The following IRF7 variants were observed in gnomAD, a reference collection of about 807,000 sequenced individuals.
The protein encoded by IRF7 is interferon regulatory factor 7, also known as interferon regulatory factor-7H.
IRF7 carries 67 observed loss-of-function variants against 51.3 expected under a neutral mutation model. The ratio of observed to expected loss-of-function variants is 1.31; its 90% CI spans 1.07 to 1.60. The LOEUF (loss-of-function observed/expected upper bound fraction) is 1.60, where lower values mean the gene tolerates loss of function less well. Among genes scored for constraint, IRF7 ranks in the 40% most tolerant of loss-of-function variants. IRF7 has a pLI of 0.00. For missense variants in IRF7, 873 were observed against 701.5 expected, an observed-to-expected ratio of 1.24 and a Z score of -2.76; for synonymous variants, 427 against 301.3, an observed-to-expected ratio of 1.42 and a Z score of -4.32.
In IRF7 at chr11:614,281, C is replaced by T. The variant is rs1189562284; in HGVS notation, c.572G>A (p.Cys191Tyr). 1 of 1,612,242 alleles carries T rather than the reference C, an allele frequency of 6.2e-7. No homozygotes were observed. Among genetic ancestry groups the T allele is most frequent in the Non-Finnish European group, 8.5e-7 (1 of 1,179,664 alleles). Residue 191 changes from cysteine (C) to tyrosine (Y), a missense_variant, in exon 6 of 11, where the codon TGC becomes TAC. Coordinates refer to ENST00000525445, the MANE Select transcript of IRF7 (RefSeq NM_001572.5). ...CGCTGTCAGCAGATGGTCTGCCAGG[C>T]AGCTCTGTTGCACTGCCTGGAGCAG... is the stretch of plus-strand genomic sequence containing the variant. ...DLLLQAVQQS[C>Y]LADHLLTASW...
At position 615,121 on chromosome 11, in the gene IRF7, G is replaced by A. The variant is rs561433488; in HGVS notation, c.159C>T (p.Ser53=). ...CCTTGAAGATGCGCGCGTCGGCCTC[G>A]CTCAGGTCCTTGCGCGCGAAGTGCT... ...PWKHFARKDL[S]EADARIFKAW... The change falls in exon 3 of 11, where the codon AGC becomes AGT. Residue 53 remains serine (S), a synonymous_variant. Coordinates refer to ENST00000525445, the MANE Select transcript of IRF7 (RefSeq NM_001572.5). The A allele has an allele frequency of 6.9e-6, 11 of 1,598,742 alleles. No homozygotes were observed. The highest frequency in any genetic ancestry group is 6.6e-5 in the South Asian group (6 of 90,330).
In IRF7 at chr11:615,493, G is replaced by T; in HGVS notation, c.-129C>A. 2 of 1,090,618 alleles carry T rather than the reference G, an allele frequency of 1.8e-6. No individual in the cohort carries two copies. The highest frequency in any genetic ancestry group is 2.5e-6 in the Non-Finnish European group (2 of 789,494). The allele number at this position is 1,090,618 out of a possible 1,614,324, so 67.6% of individuals were successfully genotyped here. On this transcript the variant is annotated 5_prime_UTR_variant, in exon 2 of 11. Coordinates refer to ENST00000525445, the MANE Select transcript of IRF7 (RefSeq NM_001572.5). The stretch of plus-strand genomic sequence containing the variant: ...CCAGGTGTCACAGGTGTCCACAGGT[G>T]TGGACTGAGGGCTTGTAGCCACCGA...
Position 613,981 on chromosome 11 carries a change from G to C in IRF7, c.736C>G (p.Pro246Ala), listed in dbSNP as rs1210153699. 6.2e-7 allele frequency: 1 copy of C among 1,607,886 alleles called. No homozygotes were observed. Among genetic ancestry groups the C allele is most frequent in the African/African-American group, 1.3e-5 (1 of 74,758 alleles). Residue 246 changes from proline (P) to alanine (A), a missense_variant, in exon 7 of 11, where the codon CCC (proline) becomes GCC (alanine). By Grantham distance (27) the Pro-to-Ala change is conservative. Transcript: ENST00000525445. Reference sequence around the variant, plus strand: ...GTTAGTGCCGCGGGCTGGGGCCCGGGGCTGGGGGTCGTCTCTACTGCCCAC... The same window carrying C: ...GTTAGTGCCGCGGGCTGGGGCCCGGCGCTGGGGGTCGTCTCTACTGCCCAC... ...YGWAVETTPS[P>A]GPQPAALTTG...
In IRF7 at chr11:615,055, C is replaced by T. The variant is rs758685455; in HGVS notation, c.183+42G>A. Reference sequence around the variant, plus strand: ...TGTGCCGGGCCCGCGGGGTCCTAGGCGGGCTCTCCCACCCGGGGCGGGGCG... The same window carrying T: ...TGTGCCGGGCCCGCGGGGTCCTAGGTGGGCTCTCCCACCCGGGGCGGGGCG... On this transcript the variant is annotated intron_variant, in intron 3 of 10. Coordinates refer to ENST00000525445, the MANE Select transcript of IRF7 (RefSeq NM_001572.5). The T allele has an allele frequency of 7.1e-6, 11 of 1,557,458 alleles. No homozygotes were observed. In the South Asian group the frequency reaches 1.2e-4, roughly 17 times the overall value.
chr11:614,247 C>T lies in IRF7; in HGVS notation c.606G>A (p.Gly202=). The change falls in exon 6 of 11, where the codon GGG becomes GGA. Residue 202 remains glycine (G), a synonymous_variant. Coordinates refer to ENST00000525445, the MANE Select transcript of IRF7 (RefSeq NM_001572.5). ...GAGCCTTGGTTGGGACTGGATCTGC[C>T]CCCCATGACGCTGTCAGCAGATGGT... The part of the protein sequence containing the change: ...LADHLLTASW[G]ADPVPTKAPG... 5.0e-6 allele frequency: 8 copies of T among 1,612,842 alleles called. No homozygotes were observed. Among genetic ancestry groups the T allele is most frequent in the Non-Finnish European group, 5.9e-6 (7 of 1,179,840 alleles).
rs1214692573 is a variant in IRF7 at position 615,651 on chromosome 11, C to T, written c.-283-4G>A. 3 of 400,698 alleles carry T rather than the reference C, an allele frequency of 7.5e-6. No homozygotes were observed. The highest frequency in any genetic ancestry group is 3.6e-5 in the East Asian group (1 of 27,748). The allele number at this position is 400,698 out of a possible 1,614,324, so 24.8% of individuals were successfully genotyped here. A position where few individuals can be genotyped will look rare whatever the true frequency, so the allele number is the denominator to read the frequency against. On this transcript the variant is annotated splice_region_variant and splice_polypyrimidine_tract_variant and intron_variant, in intron 1 of 10. Coordinates refer to ENST00000525445, the MANE Select transcript of IRF7 (RefSeq NM_001572.5). ...GCGGGAAGGCGCAGGCCGGACCCTG[C>T]GGAGACGGGAAAGGCGACGTCAGGG...
Position 615,332 on chromosome 11 carries a change from G to A in IRF7, c.20+13C>T, listed in dbSNP as rs1856781455. The A allele has an allele frequency of 1.3e-6, 2 of 1,548,370 alleles. No individual in the cohort carries two copies. The highest frequency in any genetic ancestry group is 1.7e-6 in the Non-Finnish European group (2 of 1,152,362). On this transcript the variant is annotated intron_variant, in intron 2 of 10. Transcript: ENST00000525445. ...GGGGACTGGCATCTGGAGAGGGTGGGCCGGGCTCTTACCTCTCAGGAGCCA... is the reference window on the plus strand; with the variant it reads ...GGGGACTGGCATCTGGAGAGGGTGGACCGGGCTCTTACCTCTCAGGAGCCA...
At position 614,809 on chromosome 11, in the gene IRF7, G is replaced by T. The variant is rs554316676; in HGVS notation, c.382C>A (p.Leu128Met). 8 of 1,548,756 alleles carry T rather than the reference G, an allele frequency of 5.2e-6. No homozygotes were observed. The South Asian group carries it at 5.9e-5, about 12-fold the overall frequency. Residue 128 changes from leucine (L) to methionine (M), a missense_variant, in exon 4 of 11, where the codon CTG (leucine) becomes ATG (methionine). Coordinates refer to ENST00000525445, the MANE Select transcript of IRF7 (RefSeq NM_001572.5). ...PHKVYALSRE[L>M]CWREGPGTDQ... The stretch of plus-strand genomic sequence containing the variant: ...CGGCGTCGCTCACCTCGCCAGCACA[G>T]CTCCCGGCTGAGCGCGTACACCTTG...
intron 9 of IRF7, 44 bp from the exon 10 acceptor site, chr11:613,161 C>CAA (rs751540818): frequency 6.2e-7 from 1 of 1,604,432 alleles, no homozygotes; most frequent in Non-Finnish European, 8.5e-7. Flanking sequence ...GCAGGTGCTC[C>CAA]CAAGGACCCC....
chr11:614,989 CG>C lies in IRF7; in HGVS notation c.201del (p.Gly68AlafsTer39). 6.5e-7 allele frequency: 1 copy of C among 1,546,528 alleles called. No homozygotes were observed. Among genetic ancestry groups the C allele is most frequent in the Non-Finnish European group, 8.7e-7 (1 of 1,151,264 alleles). Reference protein sequence around the residue: ...ARIFKAWAVARGRWPPSSRGG... With the variant: ...ARIFKAWAVAXGRWPPSSRGG... ...CCCCTGCTGCTAGGCGGCCACCTGC[CG>C]CGGGCCACAGCCCAGGCCTGAAGAG... is the stretch of plus-strand genomic sequence containing the variant. On this transcript the variant is annotated frameshift_variant, in exon 4 of 11. Transcript: ENST00000525445. LOFTEE classifies it high-confidence loss of function.
In IRF7 at chr11:615,212, C is replaced by T. The variant is rs754397896; in HGVS notation, c.68G>A (p.Ser23Asn). 1.3e-5 allele frequency: 21 copies of T among 1,597,846 alleles called. No homozygotes were observed. Among genetic ancestry groups the T allele is most frequent in the Non-Finnish European group, 1.8e-5 (21 of 1,176,234 alleles). The change falls in exon 3 of 11, where the codon AGC becomes AAC. Residue 23 changes from serine to asparagine, a missense_variant. By Grantham distance (46) the Ser-to-Asn change is conservative. Coordinates refer to ENST00000525445, the MANE Select transcript of IRF7 (RefSeq NM_001572.5). Reference sequence around the variant, plus strand: ...CTGCAGCCCCTCATAGCAGCCGCTGCTGATCTCTCCAAGGAGCCACTCTCC... The same window carrying T: ...CTGCAGCCCCTCATAGCAGCCGCTGTTGATCTCTCCAAGGAGCCACTCTCC... ...LFGEWLLGEI[S>N]SGCYEGLQWL...
intron 8 of IRF7, 58 bp from the exon 9 acceptor site, chr11:613,653 GGGGGTGGGCGGGGACAGGATGTGAGTGA>G (rs1856592986): frequency 1.2e-6 from 1 of 854,302 alleles, no homozygotes; most frequent in Non-Finnish European, 1.6e-6. Flanking sequence ...TGTGAGTGAC[GGGGGTGGGCGGGGACAGGATGTGAGTGA>G]CGGGGGTGGG....
At position 614,959 on chromosome 11, in the gene IRF7, C is replaced by T. The variant is rs1038112872; in HGVS notation, c.232G>A (p.Gly78Ser). Residue 78 changes from glycine to serine, a missense_variant, in exon 4 of 11, where the codon GGC becomes AGC. By Grantham distance (56) the Gly-to-Ser change is moderately conservative (BLOSUM62 0). Transcript: ENST00000525445. ...GRWPPSSRGG[G>S]PPPEAETAER... Reference sequence around the variant, plus strand: ...GCAGTCTCAGCCTCGGGGGGCGGGCCACCTCCCCTGCTGCTAGGCGGCCAC... The same window carrying T: ...GCAGTCTCAGCCTCGGGGGGCGGGCTACCTCCCCTGCTGCTAGGCGGCCAC... 1 of 1,562,550 alleles carries T rather than the reference C, an allele frequency of 6.4e-7. No individual in the cohort carries two copies.
At position 612,812 on chromosome 11, in the gene IRF7, G is replaced by C. The variant is rs1856509131; in HGVS notation, c.1357-12C>G. On this transcript the variant is annotated splice_polypyrimidine_tract_variant and intron_variant, in intron 10 of 10. Transcript: ENST00000525445. Reference sequence around the variant, plus strand: ...AGCCAGGGTTCCAGCTGCCAGGAGGGATCGGGCGTCTGTCAGTGACCCGGC... The same window carrying C: ...AGCCAGGGTTCCAGCTGCCAGGAGGCATCGGGCGTCTGTCAGTGACCCGGC... The C allele has an allele frequency of 2.5e-6, 4 of 1,598,740 alleles. No individual in the cohort carries two copies. Among genetic ancestry groups the C allele is most frequent in the Non-Finnish European group, 1.7e-6 (2 of 1,173,866 alleles).
intron 8 of IRF7, 49 bp from the exon 9 acceptor site, chr11:613,644 GTGAGTGA>G: frequency 9.8e-7 from 1 of 1,016,730 alleles, no homozygotes; most frequent in African/African-American, 3.3e-5. Flanking sequence ...GGGACAGGCT[GTGAGTGA>G]CGGGGGTGGG....
Position 614,809 on chromosome 11 carries a change from G to A in IRF7, c.382C>T (p.Leu128=), listed in dbSNP as rs554316676. ...PHKVYALSRE[L]CWREGPGTDQ... The stretch of plus-strand genomic sequence containing the variant: ...CGGCGTCGCTCACCTCGCCAGCACA[G>A]CTCCCGGCTGAGCGCGTACACCTTG... The change falls in exon 4 of 11, where the codon CTG becomes TTG. Residue 128 remains leucine (L), a synonymous_variant. Transcript: ENST00000525445. The A allele has an allele frequency of 6.5e-7, 1 of 1,548,756 alleles. No homozygotes were observed. The highest frequency in any genetic ancestry group is 8.7e-7 in the Non-Finnish European group (1 of 1,147,638).
chr11:615,701 A>G, intron 1 of IRF7, 54 bp from the exon 2 acceptor site: 1 of 373,176 alleles, frequency 2.7e-6, no homozygotes, highest in Non-Finnish European at 4.8e-6. Flanking sequence ...CGGGAAAGCG[A>G]AACCTAAACA....
chr11:613,764 C>CCCTTCCTGGGATGCA (rs762991889), intron 8 of IRF7, 21 bp downstream of exon 8: 12 of 1,522,528 alleles, frequency 7.9e-6, no homozygotes. Flanking sequence ...GACAGGCTGC[C>CCCTTCCTGGGATGCA]CCTTCCTGGG....
At position 614,270 on chromosome 11, in the gene IRF7, G is replaced by T. The variant is rs776071645; in HGVS notation, c.583C>A (p.His195Asn). The change falls in exon 6 of 11, where the codon CAT (histidine) becomes AAT (asparagine). Residue 195 changes from histidine (H) to asparagine (N), a missense_variant. By Grantham distance (68) the His-to-Asn change is moderately conservative. Transcript: ENST00000525445. ...QAVQQSCLAD[H>N]LLTASWGADP... ...GCCCCCCATGACGCTGTCAGCAGAT[G>T]GTCTGCCAGGCAGCTCTGTTGCACT... is the stretch of plus-strand genomic sequence containing the variant. 1 of 1,612,450 alleles carries T rather than the reference G, an allele frequency of 6.2e-7. No individual in the cohort carries two copies. The highest frequency in any genetic ancestry group is 8.5e-7 in the Non-Finnish European group (1 of 1,179,704).
Sources: gnomAD v4.1 joint callset for allele counts on GRCh38, gnomAD v4.1.1 for gene constraint, MANE v1.5 for transcripts, NCBI Gene and HGNC (gene_info 2026-07-23, HGNC 2026-07-21) for gene names.